Variants in NAV2 observed in about 807,000 individuals in gnomAD.
NAV2 encodes helicase, APC down-regulated 1.
NAV2 carries 54 observed loss-of-function variants against 223.2 expected under a neutral mutation model. That is an observed-to-expected ratio of 0.24 (90% confidence interval 0.19 to 0.30). The LOEUF (loss-of-function observed/expected upper bound fraction) is 0.30. NAV2 is among the 10% of genes least tolerant of loss of function. NAV2 has a pLI of 1.00. For synonymous variants in NAV2, 1,279 were observed against 1,239.3 expected (o/e 1.03, Z -0.67); for missense variants, 2,806 against 3,147.5 (o/e 0.89, Z 2.60).
At chr11:20,056,097 CTGGGGGTCAGGGG>C in intron 19 of NAV2, 140 bp downstream of exon 19, 1 of 749,122 alleles carries the variant, frequency 1.3e-6, no homozygotes, top group South Asian at 1.8e-5. Context: ...CCCACCTACT[CTGGGGGTCAGGGG>C]TGGGGATCTC....
chr11:19,587,041 C>A (rs1033999169), intron 1 of NAV2, among the ~76,000 whole-genome samples: 2 of 152,212 alleles, frequency 1.3e-5, no homozygotes, highest in African/African-American at 2.4e-5. Flanking sequence ...TCGAGCTTCA[C>A]GGCCGCTTTG....
chr11:19,412,351 G>A lies in NAV2; in HGVS notation c.75+61324G>A, dbSNP rs557282955. On this transcript the variant is annotated intron_variant, in intron 1 of 37. Transcript: ENST00000360655. ...GCCCACCACAGCTCAAAAAGCTGCT[G>A]TAGCCAGACTGCCTCTCTAGATTCC... 7.4e-4 allele frequency among the ~76,000 whole-genome samples: 113 copies of A among 152,334 alleles called. 2 individuals carry two copies. The highest frequency in any genetic ancestry group is 3.7e-3 in the Admixed American group (56 of 15,298).
At chr11:19,459,527 T>C (rs2133848846) in intron 1 of NAV2, among the ~76,000 whole-genome samples, 1 of 152,202 alleles carries the variant, frequency 6.6e-6, no homozygotes, top group South Asian at 2.1e-4. Context: ...CCCTCTAAGG[T>C]AGAATGAGTG....
intron 6 of NAV2, among the ~76,000 whole-genome samples, chr11:19,928,521 T>A (rs1024377868): frequency 3.9e-5 from 6 of 152,040 alleles, no homozygotes; most frequent in African/African-American, 1.5e-4. Context: ...ATAACAAGAG[T>A]TGTTAGTTAT....
At chr11:19,925,237 T>C (rs2044637239) in intron 6 of NAV2, among the ~76,000 whole-genome samples, 1 of 152,230 alleles carries the variant, frequency 6.6e-6, no homozygotes, top group South Asian at 2.1e-4. Flanking sequence ...GCCTTTTTAC[T>C]CTACTGATAG....
Position 19,715,316 on chromosome 11 carries a change from G to A in NAV2, c.267+1354G>A, listed in dbSNP as rs1164001335. ...AAGGCAAGATTTCCTCCAGTGCTCCGGGGGCCTGCCTCTGTGAGGGTTTTG... is the reference window on the plus strand; with the variant it reads ...AAGGCAAGATTTCCTCCAGTGCTCCAGGGGCCTGCCTCTGTGAGGGTTTTG... On this transcript the variant is annotated intron_variant, in intron 1 of 37. Coordinates refer to ENST00000349880, the MANE Select transcript of NAV2 (RefSeq NM_145117.5). Among the ~76,000 whole-genome samples the A allele has an allele frequency of 1.8e-4, 27 of 152,160 alleles. 1 individual carries two copies. Among genetic ancestry groups the A allele is most frequent in the Admixed American group, 1.7e-3 (26 of 15,284 alleles).
intron 3 of NAV2, among the ~76,000 whole-genome samples, chr11:19,843,541 T>C (rs917699495): frequency 1.8e-4 from 28 of 152,234 alleles, no homozygotes; most frequent in African/African-American, 6.5e-4. Context: ...TTGCATGTCC[T>C]GCACATAATC....
chr11:19,800,800 T>C (rs373055737), intron 1 of NAV2, among the ~76,000 whole-genome samples: 82 of 152,106 alleles, frequency 5.4e-4, no homozygotes, highest in African/African-American at 1.9e-3. Flanking sequence ...AATGTGAAGG[T>C]GTGTGGAAGC....
At chr11:20,093,803 A>T (rs2255677) in intron 29 of NAV2, among the ~76,000 whole-genome samples, 72,057 of 151,914 alleles carry the variant, frequency 0.47, 18,547 homozygotes, top group South Asian at 0.71. Context: ...ACTGCCAGAG[A>T]CTATTTTGGG....
rs376987546 is a variant in NAV2, at chr11:19,808,703, T to C, written c.268-23781T>C. ...ATTATGTAGAATGTGGCCCAGAGAA[T>C]AGAAATGCTGCCACCTATTGCTGGT... On this transcript the variant is annotated intron_variant, in intron 1 of 37. Coordinates refer to ENST00000349880, the MANE Select transcript of NAV2 (RefSeq NM_145117.5). Among the ~76,000 whole-genome samples, 48 of 152,340 alleles carry C rather than the reference T, an allele frequency of 3.2e-4. 1 individual carries two copies. In the South Asian group the frequency reaches 9.5e-3, roughly 30 times the overall value.
At chr11:19,374,309 GTTTTTTTT>G (rs10533713) in intron 1 of NAV2, among the ~76,000 whole-genome samples, 6 of 124,582 alleles carry the variant, frequency 4.8e-5, no homozygotes, top group East Asian at 2.4e-4. Flanking sequence ...TTCCGAAAAG[GTTTTTTTT>G]TTTTTTTTTT....
chr11:19,538,915 A>G lies in NAV2; in HGVS notation c.75+187888A>G, dbSNP rs529813049. Among the ~76,000 whole-genome samples the G allele has an allele frequency of 3.4e-5, 5 of 146,074 alleles. 1 individual carries two copies. Among genetic ancestry groups the G allele is most frequent in the Middle Eastern group, 6.9e-3 (2 of 288 alleles). The stretch of plus-strand genomic sequence containing the variant: ...TTTATATATATATATATATCTTTCC[A>G]CTATAATTTAAAGGCCACAAATCAT... On this transcript the variant is annotated intron_variant, in intron 1 of 37. Coordinates refer to the NAV2 transcript ENST00000360655.
At chr11:19,824,605 G>T (rs1377059191) in intron 1 of NAV2, among the ~76,000 whole-genome samples, 1 of 152,184 alleles carries the variant, frequency 6.6e-6, no homozygotes, top group Non-Finnish European at 1.5e-5. Flanking sequence ...TAAGGAGGTG[G>T]TTTTTAATCC....
chr11:19,569,668 G>A (rs373316262), intron 1 of NAV2, among the ~76,000 whole-genome samples: 1 of 152,246 alleles, frequency 6.6e-6, no homozygotes, highest in East Asian at 1.9e-4. Flanking sequence ...GTAAATGAAC[G>A]TTTGCTGTCA....
In NAV2 at chr11:19,994,995, A is replaced by C. The variant is rs557981677; in HGVS notation, c.2768+10748A>C. Among the ~76,000 whole-genome samples, 12 of 152,322 alleles carry C rather than the reference A, an allele frequency of 7.9e-5. No individual in the cohort carries two copies. In the East Asian group the frequency reaches 1.7e-3, roughly 22 times the overall value. ...GTTTGGAAAGCATGAACTCTAAGTA[A>C]CTCTGATGAAGGCACACATTATTTA... On this transcript the variant is annotated intron_variant, in intron 11 of 37. Transcript: ENST00000349880.
At chr11:20,068,451 T>G in intron 22 of NAV2, 53 bp downstream of exon 22, 1 of 1,348,278 alleles carries the variant, frequency 7.4e-7, no homozygotes, top group Non-Finnish European at 1.1e-6. Flanking sequence ...CATCCTTGCC[T>G]TCTGAACAGC....
At chr11:19,985,823 G>A (rs2050748833) in intron 11 of NAV2, among the ~76,000 whole-genome samples, 1 of 152,060 alleles carries the variant, frequency 6.6e-6, no homozygotes, top group Admixed American at 6.6e-5. Context: ...TGATCCACCT[G>A]CCTCGGCCTC....
chr11:19,901,694 C>T (rs910695776), intron 6 of NAV2, among the ~76,000 whole-genome samples: 8 of 152,184 alleles, frequency 5.3e-5, no homozygotes, highest in African/African-American at 1.9e-4. Context: ...TGTATGTATA[C>T]ATTTTGTCAT....
At chr11:19,426,536 T>C (rs1307467065) in intron 1 of NAV2, among the ~76,000 whole-genome samples, 2 of 152,188 alleles carry the variant, frequency 1.3e-5, no homozygotes, top group African/African-American at 4.8e-5. Flanking sequence ...CTACCCACAG[T>C]GGTTCTACTA....
Sources: gnomAD v4.1 joint callset for allele counts (sites outside exome capture counted in the v4.1 genomes callset) on GRCh38, gnomAD v4.1.1 for gene constraint, MANE v1.5 for transcripts, NCBI Gene and HGNC (gene_info 2026-07-23, HGNC 2026-07-21) for gene names.